Variants in NAALADL2 observed in about 807,000 individuals in gnomAD.
The protein encoded by NAALADL2 is inactive N-acetylated-alpha-linked acidic dipeptidase-like protein 2.
NAALADL2 carries 76 observed loss-of-function variants against 87.2 expected under a neutral mutation model. That is an observed-to-expected ratio of 0.87 (90% CI 0.72 to 1.05). The LOEUF is 1.05. NAALADL2 is among the 50% of genes least tolerant of loss of function. NAALADL2 has a pLI of 0.00. For synonymous variants in NAALADL2, 354 were observed against 331.0 expected, an observed-to-expected ratio of 1.07 and a Z score of -0.75; for missense variants, 1,089 against 945.8, an observed-to-expected ratio of 1.15 and a Z score of -1.99.
At chr3:174,977,144 G>A (rs1365679113) in intron 1 of NAALADL2, among the ~76,000 whole-genome samples, 1 of 152,164 alleles carries the variant, frequency 6.6e-6, no homozygotes, top group African/African-American at 2.4e-5. Context: ...GCCCAGAAAG[G>A]CAAGTACTAC....
chr3:175,419,480 TG>T (rs1231250309), intron 5 of NAALADL2, among the ~76,000 whole-genome samples: 1 of 152,016 alleles, frequency 6.6e-6, no homozygotes, highest in Non-Finnish European at 1.5e-5. Flanking sequence ...CTAGAAATCC[TG>T]CATTGGAAGA....
At chr3:175,261,312 C>T (rs1750999113) in intron 4 of NAALADL2, among the ~76,000 whole-genome samples, 1 of 151,910 alleles carries the variant, frequency 6.6e-6, no homozygotes, top group Admixed American at 6.6e-5. Flanking sequence ...TCAATGAAAG[C>T]ATTTGACTTT....
intron 2 of NAALADL2, among the ~76,000 whole-genome samples, chr3:175,193,644 G>A (rs780066314): frequency 5.3e-5 from 8 of 151,626 alleles, no homozygotes; most frequent in Non-Finnish European, 1.0e-4. Context: ...TAGAGGCAAA[G>A]TCTCCAAAAG....
chr3:175,432,846 T>C (rs1717993146), intron 5 of NAALADL2, among the ~76,000 whole-genome samples: 1 of 152,058 alleles, frequency 6.6e-6, no homozygotes, highest in Admixed American at 6.6e-5. Flanking sequence ...TCAGCATTCA[T>C]GGGAATGTGT....
At chr3:175,584,422 T>C (rs1720253006) in intron 10 of NAALADL2, among the ~76,000 whole-genome samples, 3 of 152,206 alleles carry the variant, frequency 2.0e-5, no homozygotes, top group Admixed American at 1.3e-4. Flanking sequence ...TATTCAATGA[T>C]AGAATCAAGA....
intron 2 of NAALADL2, among the ~76,000 whole-genome samples, chr3:175,195,127 T>C (rs1468502560): frequency 6.6e-6 from 1 of 151,684 alleles, no homozygotes; most frequent in African/African-American, 2.4e-5. Flanking sequence ...ATGCCAGTAA[T>C]GATAGTTTAT....
intron 1 of NAALADL2, among the ~76,000 whole-genome samples, chr3:174,887,798 A>G (rs1374339216): frequency 4.0e-5 from 6 of 151,544 alleles, no homozygotes; most frequent in Admixed American, 3.9e-4. Flanking sequence ...CCTGTCTCAA[A>G]AAAATTATTT....
At chr3:174,501,395 A>G (rs1001498991) in intron 1 of NAALADL2, among the ~76,000 whole-genome samples, 1 of 152,054 alleles carries the variant, frequency 6.6e-6, no homozygotes, top group Non-Finnish European at 1.5e-5. Flanking sequence ...TCTTATACTA[A>G]GATAGTAGTA....
chr3:174,777,800 T>A (rs1226080231), intron 3 of NAALADL2, among the ~76,000 whole-genome samples: 3 of 152,112 alleles, frequency 2.0e-5, no homozygotes, highest in Admixed American at 2.0e-4. Flanking sequence ...ACTGAACCTC[T>A]CCTTTCCACA....
At chr3:174,911,143 T>A (rs1276233096) in intron 1 of NAALADL2, among the ~76,000 whole-genome samples, 2 of 152,136 alleles carry the variant, frequency 1.3e-5, no homozygotes, top group African/African-American at 2.4e-5. Context: ...TGGATTCTGA[T>A]AGCTATTAGT....
chr3:174,479,422 G>A (rs890691326), intron 1 of NAALADL2, among the ~76,000 whole-genome samples: 1 of 152,106 alleles, frequency 6.6e-6, no homozygotes, highest in East Asian at 1.9e-4. Flanking sequence ...AGCTTAGGGG[G>A]TTGAGTACAT....
At chr3:175,109,193 T>C (rs566941919) in intron 2 of NAALADL2, among the ~76,000 whole-genome samples, 13 of 151,978 alleles carry the variant, frequency 8.6e-5, no homozygotes, top group East Asian at 1.9e-4. Flanking sequence ...TATAAACTGT[T>C]ATGGGGGAAA....
intron 2 of NAALADL2, among the ~76,000 whole-genome samples, chr3:175,128,723 G>A (rs4518137): frequency 0.55 from 83,713 of 151,976 alleles, 23,655 homozygotes; most frequent in African/African-American, 0.67. Context: ...CAGATTCTTT[G>A]TGATTTATAT....
At chr3:174,579,145 A>G (rs900686091) in intron 2 of NAALADL2, among the ~76,000 whole-genome samples, 4 of 152,012 alleles carry the variant, frequency 2.6e-5, no homozygotes, top group African/African-American at 9.7e-5. Context: ...ACTTTCAAAA[A>G]AGTCTCAGCA....
At chr3:175,508,318 C>G (rs1730642044) in intron 9 of NAALADL2, among the ~76,000 whole-genome samples, 1 of 152,138 alleles carries the variant, frequency 6.6e-6, no homozygotes, top group African/African-American at 2.4e-5. Context: ...CTTGGGTGAT[C>G]TCATTAAATC....
rs1738439960 is a variant in NAALADL2 at position 175,698,463 on chromosome 3, ATATATGTGTG to A, written c.1897-38837_1897-38828del. On this transcript the variant is annotated intron_variant, in intron 11 of 13. Coordinates refer to ENST00000454872, the MANE Select transcript of NAALADL2 (RefSeq NM_207015.3). ...TTTATGTATGTATACATATATGTGTATATATGTGTGTATATATATTTATATATATATATAT... is the reference window on the plus strand; with the variant it reads ...TTTATGTATGTATACATATATGTGTATATATATATTTATATATATATATAT... Among the ~76,000 whole-genome samples, 2 of 124,656 alleles carry A rather than the reference ATATATGTGTG, an allele frequency of 1.6e-5. 1 individual carries two copies. The highest frequency in any genetic ancestry group is 1.6e-4 in the Admixed American group (2 of 12,760). The allele number at this position is 124,656 out of a possible 152,430, so 81.8% of individuals were successfully genotyped here.
intron 1 of NAALADL2, among the ~76,000 whole-genome samples, chr3:175,072,858 A>T (rs920449632): frequency 6.6e-6 from 1 of 152,046 alleles, no homozygotes; most frequent in Non-Finnish European, 1.5e-5. Flanking sequence ...AAAAAAACGA[A>T]AAATGGAAAA....
chr3:175,086,791 T>A lies in NAALADL2; in HGVS notation c.44-9999T>A, dbSNP rs1719031146. 2.0e-5 allele frequency among the ~76,000 whole-genome samples: 3 copies of A among 152,146 alleles called. No homozygotes were observed. In the South Asian group the frequency reaches 6.2e-4, roughly 31 times the overall value. On this transcript the variant is annotated intron_variant, in intron 1 of 13. Coordinates refer to ENST00000454872, the MANE Select transcript of NAALADL2 (RefSeq NM_207015.3). Reference sequence around the variant, plus strand: ...TTACCCAAAACTATTAGTAGACATGTCTATAAATTTGTAATAAAGATTAAC... The same window carrying A: ...TTACCCAAAACTATTAGTAGACATGACTATAAATTTGTAATAAAGATTAAC...
intron 1 of NAALADL2, among the ~76,000 whole-genome samples, chr3:174,859,901 T>C (rs1726271712): frequency 6.6e-6 from 1 of 152,072 alleles, no homozygotes; most frequent in African/African-American, 2.4e-5. Flanking sequence ...CTGTAATTAA[T>C]ATAACCACTT....
Sources: gnomAD v4.1 joint callset for allele counts (sites outside exome capture counted in the v4.1 genomes callset) on GRCh38, gnomAD v4.1.1 for gene constraint, MANE v1.5 for transcripts, NCBI Gene and HGNC (gene_info 2026-07-23, HGNC 2026-07-21) for gene names.